Variants in NCEH1 observed in about 807,000 individuals in gnomAD.
NCEH1 encodes 2-acetyl MAGE hydrolase.
Under a neutral mutation model 25.4 loss-of-function variants are expected in NCEH1, and 9 were observed. The ratio of observed to expected loss-of-function variants is 0.35; its 90% CI spans 0.21 to 0.62. The LOEUF (loss-of-function observed/expected upper bound fraction) is 0.62, where lower values mean the gene tolerates loss of function less well. Ranked by LOEUF, NCEH1 falls within the 20% of genes least tolerant of loss-of-function variation. The probability of loss-of-function intolerance (pLI) is 0.72; values close to 1 mark genes in which losing one functional copy is unlikely to be tolerated. For synonymous variants in NCEH1, 200 were observed against 199.8 expected (o/e 1.00, Z -0.01); for missense variants, 412 against 501.1 (o/e 0.82, Z 1.70).
intron 1 of NCEH1, among the ~76,000 whole-genome samples, chr3:172,653,749 T>TG (rs1399586543): frequency 1.2e-5 from 1 of 80,704 alleles, no homozygotes; most frequent in African/African-American, 5.2e-5. Flanking sequence ...TTTTTGTTTT[T>TG]TTGTTTTTTT....
At chr3:172,670,711 A>G (rs1413349918) in intron 1 of NCEH1, among the ~76,000 whole-genome samples, 1 of 152,244 alleles carries the variant, frequency 6.6e-6, no homozygotes, top group Non-Finnish European at 1.5e-5. Context: ...TAGAAGCATC[A>G]GTAGTTAATG....
At chr3:172,678,027 AACACTGTCATTATTT>A (rs1712117834) in intron 1 of NCEH1, among the ~76,000 whole-genome samples, 1 of 152,236 alleles carries the variant, frequency 6.6e-6, no homozygotes, top group African/African-American at 2.4e-5. Context: ...GATTATTTTA[AACACTGTCATTATTT>A]TAAACGGAAA....
intron 1 of NCEH1, among the ~76,000 whole-genome samples, chr3:172,701,649 A>G (rs1229237170): frequency 4.2e-5 from 5 of 119,312 alleles, no homozygotes; most frequent in African/African-American, 1.7e-4. Flanking sequence ...TATTTTTAGT[A>G]GAGACTGGGT....
At chr3:172,685,404 T>C (rs892329507) in intron 1 of NCEH1, among the ~76,000 whole-genome samples, 6 of 152,144 alleles carry the variant, frequency 3.9e-5, no homozygotes, top group Non-Finnish European at 8.8e-5. Context: ...CTTCAATAAA[T>C]CCCTTCCCTA....
intron 4 of NCEH1, 65 bp from the exon 5 acceptor site, chr3:172,634,157 T>C (rs1430729820): frequency 7.5e-6 from 11 of 1,464,896 alleles, no homozygotes; most frequent in African/African-American, 1.4e-5. Flanking sequence ...AACCATACCC[T>C]GTAGAGTAGC....
chr3:172,676,385 T>C (rs1454571466), intron 1 of NCEH1, among the ~76,000 whole-genome samples: 1 of 152,164 alleles, frequency 6.6e-6, no homozygotes, highest in Non-Finnish European at 1.5e-5. Flanking sequence ...GTGTCATGGC[T>C]ACCTCCAGAT....
At chr3:172,710,724 G>T in intron 1 of NCEH1, 123 bp downstream of exon 1, 1 of 1,079,274 alleles carries the variant, frequency 9.3e-7, no homozygotes, top group African/African-American at 1.6e-5. Flanking sequence ...ACCTCAAAAA[G>T]CGACAGCCTC....
At chr3:172,650,836 A>AG (rs1717368305) in intron 1 of NCEH1, among the ~76,000 whole-genome samples, 1 of 147,378 alleles carries the variant, frequency 6.8e-6, no homozygotes, top group Non-Finnish European at 1.5e-5. Context: ...AAAAAAAAAA[A>AG]GGGACAATTT....
intron 1 of NCEH1, among the ~76,000 whole-genome samples, chr3:172,668,230 CAG>C (rs1246379804): frequency 6.6e-6 from 1 of 151,478 alleles, no homozygotes; most frequent in Non-Finnish European, 1.5e-5. Context: ...GGGAAGAAAG[CAG>C]GTAGGGAAAG....
intron 1 of NCEH1, among the ~76,000 whole-genome samples, chr3:172,675,987 C>T (rs1332512386): frequency 6.6e-6 from 1 of 152,156 alleles, no homozygotes; most frequent in Non-Finnish European, 1.5e-5. Context: ...CAGAACCACA[C>T]ATGGACACGC....
chr3:172,668,423 C>T (rs536001160), intron 1 of NCEH1, among the ~76,000 whole-genome samples: 2 of 130,876 alleles, frequency 1.5e-5, no homozygotes, highest in African/African-American at 2.9e-5. Flanking sequence ...GGCACAATCT[C>T]GGCTCACTAC....
Position 172,695,460 on chromosome 3 carries a change from G to A in NCEH1, c.138+15387C>T, listed in dbSNP as rs1262471367. Reference sequence around the variant, plus strand: ...TAAGAGACGATTTCTCTAGCTTTTGGAGCACTACCTCCAGACAGATTACCT... The same window carrying A: ...TAAGAGACGATTTCTCTAGCTTTTGAAGCACTACCTCCAGACAGATTACCT... On this transcript the variant is annotated intron_variant, in intron 1 of 4. Transcript: ENST00000475381. 2.6e-5 allele frequency among the ~76,000 whole-genome samples: 4 copies of A among 152,256 alleles called. No individual in the cohort carries two copies. In the East Asian group the frequency reaches 7.7e-4, roughly 29 times the overall value.
intron 1 of NCEH1, among the ~76,000 whole-genome samples, chr3:172,682,314 T>C (rs755729190): frequency 2.0e-5 from 3 of 152,242 alleles, no homozygotes. Flanking sequence ...GTTTATCTAC[T>C]GTTTACTGTA....
Position 172,648,075 on chromosome 3 carries a change from G to A in NCEH1, c.178C>T (p.Leu60=). Residue 60 remains leucine (L), a synonymous_variant, in exon 2 of 5, where the codon CTG becomes TTG. Coordinates refer to ENST00000475381, the MANE Select transcript of NCEH1 (RefSeq NM_020792.6). The stretch of plus-strand genomic sequence containing the variant: ...GAAACAATGATAAAATTCAGTGCCA[G>A]CAGGTGATGGCTCAGTCCCAGGTAG... ...IHYLGLSHHL[L]ALNFIIVSFG... is the part of the protein sequence containing the mutation. 1 of 1,614,106 alleles carries A rather than the reference G, an allele frequency of 6.2e-7. No individual in the cohort carries two copies. Among genetic ancestry groups the A allele is most frequent in the Non-Finnish European group, 8.5e-7 (1 of 1,179,976 alleles).
chr3:172,649,133 G>A (rs190349438), intron 1 of NCEH1, among the ~76,000 whole-genome samples: 24 of 152,198 alleles, frequency 1.6e-4, no homozygotes, highest in Non-Finnish European at 1.9e-4. Context: ...AAGAGGGTCC[G>A]TGTGTGCTCA....
At chr3:172,679,835 CCAT>C (rs1049696748) in intron 1 of NCEH1, among the ~76,000 whole-genome samples, 1 of 152,046 alleles carries the variant, frequency 6.6e-6, no homozygotes, top group African/African-American at 2.4e-5. Context: ...CCAGATAACA[CCAT>C]GTGTTCAAAC....
At chr3:172,679,522 A>C (rs1324573411) in intron 1 of NCEH1, among the ~76,000 whole-genome samples, 1 of 151,778 alleles carries the variant, frequency 6.6e-6, no homozygotes, top group Non-Finnish European at 1.5e-5. Flanking sequence ...TTTAGCTCCC[A>C]CTAATTCATT....
intron 1 of NCEH1, among the ~76,000 whole-genome samples, chr3:172,692,056 C>A (rs557965751): frequency 2.4e-4 from 37 of 151,900 alleles, no homozygotes; most frequent in African/African-American, 8.4e-4. Flanking sequence ...AGGTCACCTT[C>A]TCTAAGCATA....
chr3:172,642,375 C>A, intron 3 of NCEH1, among the ~76,000 whole-genome samples: 1 of 151,600 alleles, frequency 6.6e-6, no homozygotes. Context: ...AGGGTTTTGC[C>A]ATATTGTCCA....
Sources: allele counts gnomAD v4.1 joint callset (sites outside exome capture counted in the v4.1 genomes callset), GRCh38; gene constraint gnomAD v4.1.1; transcripts MANE v1.5; gene names NCBI Gene and HGNC (gene_info 2026-07-23, HGNC 2026-07-21).